CARD14: variants seen among roughly 807,000 people sequenced by gnomAD.
CARD14 encodes caspase recruitment domain-containing protein 14.
Under a neutral mutation model 111.5 loss-of-function variants are expected in CARD14, and 107 were observed. The observed-to-expected ratio is 0.96, with a 90% CI of 0.82 to 1.13. The LOEUF (loss-of-function observed/expected upper bound fraction) is 1.13, where lower values mean the gene tolerates loss of function less well. CARD14 is among the 50% of genes most tolerant of loss of function. CARD14 has a pLI of 0.00. For synonymous variants in CARD14, 617 were observed against 579.6 expected (o/e 1.06, Z -0.93); for missense variants, 1,322 against 1,362.3 (o/e 0.97, Z 0.47).
chr17:80,194,629 G>A (rs1289943662), intron 12 of CARD14, among the ~76,000 whole-genome samples: 1 of 152,210 alleles, frequency 6.6e-6, no homozygotes, highest in African/African-American at 2.4e-5. Context: ...CAGCATGGCT[G>A]GGGAGGCCTC....
Position 80,189,612 on chromosome 17 carries a change from C to A in CARD14, c.844-141C>A. ...GATGGGTGGCTTTTCCGTGGCTTCT[C>A]TCCTGCCCGGTGTAGAGTGGCAAGA... On this transcript the variant is annotated intron_variant, in intron 8 of 23. Coordinates refer to ENST00000648509, the MANE Select transcript of CARD14 (RefSeq NM_001366385.1). The surrounding 1 kb of genome is among the most constrained non-coding windows in gnomAD (Gnocchi z 4.7). The A allele has an allele frequency of 9.0e-7, 1 of 1,116,286 alleles. No homozygotes were observed. Among genetic ancestry groups the A allele is most frequent in the Non-Finnish European group, 1.2e-6 (1 of 830,332 alleles). The allele number at this position is 1,116,286 out of a possible 1,614,324, so 69.1% of individuals were successfully genotyped here.
Position 80,202,419 on chromosome 17 carries a change from A to G in CARD14, c.2218A>G (p.Arg740Gly), listed in dbSNP as rs1310566969. Residue 740 changes from arginine (R) to glycine (G), a missense_variant and splice_region_variant, in exon 18 of 24, where the codon AGG becomes GGG. Arg to Gly is a moderately radical substitution (Grantham distance 125). Transcript: ENST00000648509. ...AAHGTIPNYS[R>G]AQQQLIALIQ... ...GCACGGCACCATCCCCAACTACTCC[A>G]GGTGAGCAGCTGCCTCGAGCTCGGT... The G allele has an allele frequency of 6.2e-7, 1 of 1,609,540 alleles. No individual in the cohort carries two copies. Among genetic ancestry groups the G allele is most frequent in the Admixed American group, 1.7e-5 (1 of 59,972 alleles).
At chr17:80,206,831 C>G in intron 22 of CARD14, 139 bp from the exon 23 acceptor site, 1 of 480,126 alleles carries the variant, frequency 2.1e-6, no homozygotes, top group Non-Finnish European at 3.8e-6. Context: ...TCCCTCATCT[C>G]CTCTACAAAA....
chr17:80,175,373 C>T (rs762254153), intron 2 of CARD14, among the ~76,000 whole-genome samples: 28 of 152,224 alleles, frequency 1.8e-4, no homozygotes, highest in Middle Eastern at 3.4e-3. Flanking sequence ...CTTTTTAAAA[C>T]GCAACATTTG....
intron 4 of CARD14, among the ~76,000 whole-genome samples, chr17:80,179,922 G>A (rs1204690565): frequency 6.6e-6 from 1 of 152,184 alleles, no homozygotes; most frequent in African/African-American, 2.4e-5. Flanking sequence ...CATCTGCCTC[G>A]CATTTCCTTA....
At chr17:80,202,609 CAAATG>C in intron 18 of CARD14, 189 bp downstream of exon 18, 1 of 1,426,256 alleles carries the variant, frequency 7.0e-7, no homozygotes. Flanking sequence ...TTATATATTG[CAAATG>C]AAATGTTCAT....
chr17:80,190,920 A>G, intron 10 of CARD14, 21 bp downstream of exon 10: 2 of 1,607,566 alleles, frequency 1.2e-6, no homozygotes, highest in Non-Finnish European at 1.7e-6. Context: ...GGCCGGGCCC[A>G]CCCCGCCACC....
intron 4 of CARD14, among the ~76,000 whole-genome samples, 161 bp downstream of exon 4, chr17:80,179,462 G>A (rs2040102349): frequency 6.6e-6 from 1 of 152,226 alleles, no homozygotes; most frequent in South Asian, 2.1e-4. Flanking sequence ...TGAAGGCACT[G>A]TTGATGTAAA....
At chr17:80,192,724 G>GGGT in intron 12 of CARD14, 105 bp downstream of exon 12, 2 of 733,682 alleles carry the variant, frequency 2.7e-6, no homozygotes, top group Non-Finnish European at 4.7e-6. Flanking sequence ...TGTCCCCACA[G>GGGT]GGAAGAGGTT....
Position 80,188,262 on chromosome 17 carries a change from G to C in CARD14, c.676-115G>C. 1.8e-6 allele frequency: 2 copies of C among 1,096,160 alleles called. No individual in the cohort carries two copies. The highest frequency in any genetic ancestry group is 2.5e-6 in the Non-Finnish European group (2 of 807,296). The allele number at this position is 1,096,160 out of a possible 1,614,324, so 67.9% of individuals were successfully genotyped here. A position where few individuals can be genotyped will look rare whatever the true frequency, so the allele number is the denominator to read the frequency against. On this transcript the variant is annotated intron_variant, in intron 7 of 23. Coordinates refer to ENST00000648509, the MANE Select transcript of CARD14 (RefSeq NM_001366385.1). This position sits in a 1 kb window ranked among gnomAD's most constrained non-coding sequence, Gnocchi z 4.5. ...CGTGGGTTTTTCAGTCTCGAGGCAG[G>C]AAGCCCCCTGAGTGCTAAAAGCATC...
At chr17:80,196,351 C>T (rs1019724756) in intron 14 of CARD14, 4 of 152,188 alleles carry the variant, frequency 2.6e-5, no homozygotes, top group African/African-American at 7.2e-5. Context: ...GACTCATACA[C>T]GTTTTTATTT....
chr17:80,183,271 C>T (rs887875904), intron 6 of CARD14, among the ~76,000 whole-genome samples: 2 of 152,184 alleles, frequency 1.3e-5, no homozygotes, highest in African/African-American at 4.8e-5. Flanking sequence ...TAATTCTAGG[C>T]TTCCCTGGAG....
chr17:80,205,767 C>G, intron 22 of CARD14, 115 bp downstream of exon 22: 1 of 1,149,478 alleles, frequency 8.7e-7, no homozygotes, highest in Non-Finnish European at 1.2e-6. Context: ...GTGACCTTGT[C>G]GCCGACCTCT....
intron 7 of CARD14, among the ~76,000 whole-genome samples, chr17:80,186,331 C>T (rs1428269428): frequency 6.6e-6 from 1 of 152,164 alleles, no homozygotes; most frequent in East Asian, 1.9e-4. Context: ...AGGGGTCTGA[C>T]CTCTCACTGT....
At chr17:80,208,014 G>T (rs2041435766) in intron 23 of CARD14, 124 bp from the exon 24 acceptor site, 1 of 635,494 alleles carries the variant, frequency 1.6e-6, no homozygotes, top group Non-Finnish European at 2.6e-6. Context: ...TCTTTACAAG[G>T]TCCCCTCAAA....
In CARD14 at chr17:80,198,700, C is replaced by T; in HGVS notation, c.1851+109C>T. The T allele has an allele frequency of 6.3e-7, 1 of 1,596,948 alleles. No homozygotes were observed. The highest frequency in any genetic ancestry group is 8.5e-7 in the Non-Finnish European group (1 of 1,174,022). ...CTCCCCCAGACGATGCAGATCCACT[C>T]TGGGCTGGGCCTCTGCTCTTTCCTG... is the stretch of plus-strand genomic sequence containing the variant. On this transcript the variant is annotated intron_variant, in intron 16 of 23. Coordinates refer to ENST00000648509, the MANE Select transcript of CARD14 (RefSeq NM_001366385.1). The surrounding 1 kb of genome is among the most constrained non-coding windows in gnomAD (Gnocchi z 7.5).
chr17:80,208,146 T>C lies in CARD14; in HGVS notation c.2816T>C (p.Leu939Pro), dbSNP rs1314373473. Residue 939 changes from leucine to proline, a missense_variant, in exon 24 of 24, where the codon CTA becomes CCA. Physicochemically the swap from Leu to Pro is moderately conservative, Grantham distance 98. Coordinates refer to ENST00000648509, the MANE Select transcript of CARD14 (RefSeq NM_001366385.1). ...AACTCTGGCCTGTGCAGGAAGGGCC[T>C]ACAGCGGTTGGGCACCTCAGAGGAG... is the stretch of plus-strand genomic sequence containing the variant. ...EKMAKKLKKG[L>P]QRLGTSEEQL... 1 of 1,536,530 alleles carries C rather than the reference T, an allele frequency of 6.5e-7. No homozygotes were observed. The highest frequency in any genetic ancestry group is 1.4e-5 in the African/African-American group (1 of 72,676).
rs553686312 is a variant in CARD14, at chr17:80,181,622, C to T, written c.184C>T (p.Arg62Trp). The part of the protein sequence containing the change: ...LDEEEVLHSP[R>W]LTNSAMRAGH... ...CGAGGAGGAGGTGCTGCACAGCCCCCGGCTCACCAACAGCGCCATGCGGGC... is the reference window on the plus strand; with the variant it reads ...CGAGGAGGAGGTGCTGCACAGCCCCTGGCTCACCAACAGCGCCATGCGGGC... Residue 62 changes from arginine to tryptophan, a missense_variant, in exon 5 of 24, where the codon CGG (arginine) becomes TGG (tryptophan). Arg to Trp is a moderately radical substitution (Grantham distance 101, BLOSUM62 -3). Transcript: ENST00000648509. The T allele has an allele frequency of 1.7e-5, 27 of 1,552,750 alleles. No individual in the cohort carries two copies. The highest frequency in any genetic ancestry group is 6.8e-5 in the African/African-American group (5 of 73,284).
At chr17:80,185,215 TA>T (rs56901731) in intron 7 of CARD14, among the ~76,000 whole-genome samples, 14 of 151,300 alleles carry the variant, frequency 9.3e-5, no homozygotes, top group South Asian at 2.1e-4. Flanking sequence ...CCCAGCTAAT[TA>T]AAAAAAAATT....
Sources: allele counts gnomAD v4.1 joint callset (sites outside exome capture counted in the v4.1 genomes callset), GRCh38; gene constraint gnomAD v4.1.1; non-coding constraint Gnocchi (gnomAD v3.1); transcripts MANE v1.5; gene names NCBI Gene and HGNC (gene_info 2026-07-23, HGNC 2026-07-21).